The following HIVEP3 variants were observed in gnomAD, a reference collection of about 807,000 sequenced individuals.
HIVEP3 encodes HIVEP zinc finger 3, also known as transcription factor HIVEP3.
HIVEP3 carries 49 observed loss-of-function variants against 152.8 expected under a neutral mutation model. That is an observed-to-expected ratio of 0.32 (90% confidence interval 0.26 to 0.41). The LOEUF (loss-of-function observed/expected upper bound fraction) is 0.41, where lower values mean the gene tolerates loss of function less well. Ranked by LOEUF, HIVEP3 falls within the 10% of genes least tolerant of loss-of-function variation. The probability of loss-of-function intolerance (pLI) is 1.00; values close to 1 mark genes in which losing one functional copy is unlikely to be tolerated. For missense variants in HIVEP3, 2,790 were observed against 3,103.3 expected, an observed-to-expected ratio of 0.90 and a Z score of 2.40; for synonymous variants, 1,269 against 1,289.0, an observed-to-expected ratio of 0.98 and a Z score of 0.33.
intron 1 of HIVEP3, among the ~76,000 whole-genome samples, chr1:41,744,245 T>C (rs1472280539): frequency 2.0e-5 from 3 of 152,188 alleles, no homozygotes; most frequent in African/African-American, 7.2e-5. Flanking sequence ...TTCACCATGT[T>C]AGCCAGGATG....
At chr1:41,663,832 G>A (rs993611212) in intron 2 of HIVEP3, among the ~76,000 whole-genome samples, 1 of 152,116 alleles carries the variant, frequency 6.6e-6, no homozygotes, top group Non-Finnish European at 1.5e-5. Flanking sequence ...CTGTTCTGTG[G>A]ATCACCACCA....
chr1:41,696,017 C>T (rs943566602), intron 2 of HIVEP3, among the ~76,000 whole-genome samples: 4 of 152,174 alleles, frequency 2.6e-5, no homozygotes, highest in Non-Finnish European at 4.4e-5. Flanking sequence ...ATCTCAACCT[C>T]GGTTTCCTCA....
intron 1 of HIVEP3, among the ~76,000 whole-genome samples, chr1:41,823,123 C>T (rs1161159216): frequency 6.6e-6 from 1 of 152,174 alleles, no homozygotes; most frequent in African/African-American, 2.4e-5. Flanking sequence ...CTATCTTTTT[C>T]CACCATGTGA....
chr1:41,585,498 C>T (rs370940315), intron 3 of HIVEP3, among the ~76,000 whole-genome samples, 180 bp from the exon 4 acceptor site: 1 of 152,222 alleles, frequency 6.6e-6, no homozygotes, highest in African/African-American at 2.4e-5. Context: ...ATGTCCAAGC[C>T]CTGCAATTCT....
rs1644383593 is a variant in HIVEP3 at position 41,506,585 on chromosome 1, ATTTTTG to A, written c.*3860_*3865del. ...GACTCTGTGCTTTAGACCTGCGTGG[ATTTTTG>A]TTTTTTTTTTTTGTTTGTTTCTGTT... On this transcript the variant is annotated 3_prime_UTR_variant, in exon 9 of 9. Transcript: ENST00000372583. The A allele has an allele frequency of 1.2e-5, 1 of 83,126 alleles. No homozygotes were observed. Among genetic ancestry groups the A allele is most frequent in the East Asian group, 2.9e-4 (1 of 3,392 alleles). 5.1% of individuals were successfully genotyped at this position (83,126 alleles called of 1,614,324 possible).
intron 1 of HIVEP3, among the ~76,000 whole-genome samples, chr1:41,991,424 T>C (rs1645360495): frequency 6.6e-6 from 1 of 151,286 alleles, no homozygotes; most frequent in African/African-American, 2.4e-5. Flanking sequence ...CCTCGACACA[T>C]ACACTCTCCC....
intron 2 of HIVEP3, among the ~76,000 whole-genome samples, chr1:41,646,366 G>A (rs1256941553): frequency 1.3e-5 from 2 of 152,184 alleles, no homozygotes; most frequent in Admixed American, 1.3e-4. Context: ...ACACAGCCTG[G>A]CTCCCATGAG....
chr1:41,921,788 G>A (rs1287958980), upstream of HIVEP3, among the ~76,000 whole-genome samples: 1 of 152,142 alleles, frequency 6.6e-6, no homozygotes, highest in African/African-American at 2.4e-5. Context: ...GCTGGACACA[G>A]AAATAGGTCC....
rs1240886331 is a variant in HIVEP3, at chr1:41,509,137, CCAA to C, written c.*1311_*1313del. Reference sequence around the variant, plus strand: ...CTCACACTGATTGCTTTGGAGAATTCCAACGAGTTAGGACAATTCAAAAATCCT... The same window carrying C: ...CTCACACTGATTGCTTTGGAGAATTCCGAGTTAGGACAATTCAAAAATCCT... On this transcript the variant is annotated 3_prime_UTR_variant, in exon 9 of 9. Coordinates refer to ENST00000372583, the MANE Select transcript of HIVEP3 (RefSeq NM_024503.5). 1 of 152,148 alleles carries C rather than the reference CCAA, an allele frequency of 6.6e-6. No homozygotes were observed. Among genetic ancestry groups the C allele is most frequent in the Non-Finnish European group, 1.5e-5 (1 of 68,040 alleles). The allele number at this position is 152,148 out of a possible 1,614,324, so 9.4% of individuals were successfully genotyped here.
At chr1:41,868,558 C>A (rs539278327) in intron 1 of HIVEP3, among the ~76,000 whole-genome samples, 5 of 152,310 alleles carry the variant, frequency 3.3e-5, no homozygotes, top group African/African-American at 9.6e-5. Context: ...AAAGCAATAA[C>A]AACAAACTCA....
chr1:41,760,323 C>A (rs763308902), intron 1 of HIVEP3, among the ~76,000 whole-genome samples: 1 of 152,178 alleles, frequency 6.6e-6, no homozygotes, highest in Non-Finnish European at 1.5e-5. Flanking sequence ...TGGTGGGGGC[C>A]GGGGGACTGG....
intron 1 of HIVEP3, among the ~76,000 whole-genome samples, chr1:41,839,798 T>TTAGCC (rs1407429231): frequency 6.6e-6 from 1 of 152,228 alleles, no homozygotes; most frequent in East Asian, 1.9e-4. Flanking sequence ...TCTACCTTGC[T>TTAGCC]TAGCCTTGTA....
intron 1 of HIVEP3, among the ~76,000 whole-genome samples, chr1:41,871,609 A>T (rs907648331): frequency 2.0e-5 from 3 of 152,258 alleles, no homozygotes; most frequent in African/African-American, 7.2e-5. Context: ...TAAGATGATG[A>T]ACATGTTTCC....
intron 5 of HIVEP3, among the ~76,000 whole-genome samples, chr1:41,572,035 C>T (rs1380125402): frequency 4.6e-5 from 7 of 152,078 alleles, no homozygotes; most frequent in African/African-American, 4.8e-5. Flanking sequence ...GGGGAGAAGG[C>T]GTCCAAGACA....
At position 41,779,559 on chromosome 1, in the gene HIVEP3, G is replaced by A. The variant is rs1486688352; in HGVS notation, c.-800-78564C>T. 3.9e-5 allele frequency among the ~76,000 whole-genome samples: 6 copies of A among 152,298 alleles called. No homozygotes were observed. The East Asian group carries it at 5.8e-4, about 15-fold the overall frequency. ...CCAGCAGGCGGGAGTGCAGTGGCAC[G>A]ATTTTTGCTCATTGCAACCTCCACC... On this transcript the variant is annotated intron_variant, in intron 1 of 8. Coordinates refer to ENST00000372583, the MANE Select transcript of HIVEP3 (RefSeq NM_024503.5).
intron 1 of HIVEP3, among the ~76,000 whole-genome samples, chr1:41,915,637 A>G (rs370061395): frequency 6.6e-6 from 1 of 152,374 alleles, no homozygotes; most frequent in African/African-American, 2.4e-5. Flanking sequence ...CAACTGGATA[A>G]GTGAAATTAT....
chr1:41,581,126 G>A lies in HIVEP3; in HGVS notation c.3672C>T (p.Leu1224=). 6.4e-7 allele frequency: 1 copy of A among 1,553,170 alleles called. No homozygotes were observed. The highest frequency in any genetic ancestry group is 8.7e-7 in the Non-Finnish European group (1 of 1,149,864). The change falls in exon 4 of 9, where the codon CTC becomes CTT. Residue 1224 remains leucine (L), a synonymous_variant. Coordinates refer to ENST00000372583, the MANE Select transcript of HIVEP3 (RefSeq NM_024503.5). This position sits in a 1 kb window ranked among gnomAD's most constrained non-coding sequence, Gnocchi z 4.5. The part of the protein sequence containing the change: ...NIPFRQPPSF[L]PMPYPTSSAL... ...CTGAGGAGGTCGGGTATGGCATGGG[G>A]AGGAAGGAAGGGGGCTGCCTGAAGG... is the stretch of plus-strand genomic sequence containing the variant.
chr1:41,614,262 G>A (rs1644936527), intron 3 of HIVEP3, among the ~76,000 whole-genome samples: 1 of 152,236 alleles, frequency 6.6e-6, no homozygotes, highest in African/African-American at 2.4e-5. Context: ...ATTATCTGGT[G>A]GTGAGAGAGG....
At chr1:42,003,458 T>C (rs1267216768) in intron 1 of HIVEP3, among the ~76,000 whole-genome samples, 1 of 152,310 alleles carries the variant, frequency 6.6e-6, no homozygotes, top group East Asian at 1.9e-4. Flanking sequence ...TCTGAGCTGT[T>C]TTCCAAAGCA....
Sources: gnomAD v4.1 joint callset for allele counts (sites outside exome capture counted in the v4.1 genomes callset) on GRCh38, gnomAD v4.1.1 for gene constraint, Gnocchi (gnomAD v3.1) non-coding constraint, MANE v1.5 for transcripts, NCBI Gene and HGNC (gene_info 2026-07-23, HGNC 2026-07-21) for gene names.